SLC24A4: variants seen among roughly 807,000 people sequenced by gnomAD.
SLC24A4 encodes the protein solute carrier family 24 member 4.
In SLC24A4, 53 loss-of-function variants were observed where a neutral mutation model predicts 79.0. The observed-to-expected ratio is 0.67, with a 90% CI of 0.54 to 0.84. The LOEUF (loss-of-function observed/expected upper bound fraction) is 0.84. Among genes scored for constraint, SLC24A4 ranks in the 40% least tolerant of loss-of-function variants. The pLI is 0.00. For missense variants in SLC24A4, 731 were observed against 822.0 expected, an observed-to-expected ratio of 0.89 and a Z score of 1.35; for synonymous variants, 323 against 323.8, an observed-to-expected ratio of 1.00 and a Z score of 0.03.
intron 2 of SLC24A4, among the ~76,000 whole-genome samples, chr14:92,383,721 C>T (rs1267344272): frequency 6.6e-6 from 1 of 152,172 alleles, no homozygotes; most frequent in Non-Finnish European, 1.5e-5. Context: ...ATGGGCTTGA[C>T]CGTGAGCGTA....
chr14:92,484,522 A>C lies in SLC24A4; in HGVS notation c.1422+1676A>C, dbSNP rs1405212719. ...GCTTAGAGCTCTGTATCCCAAAAAGAAGCTCAGGATGGACTCTGTGATTGT... is the reference window on the plus strand; with the variant it reads ...GCTTAGAGCTCTGTATCCCAAAAAGCAGCTCAGGATGGACTCTGTGATTGT... On this transcript the variant is annotated intron_variant, in intron 13 of 16. Transcript: ENST00000532405. 6.1e-6 allele frequency: 6 copies of C among 985,292 alleles called. No individual in the cohort carries two copies. In the South Asian group the frequency reaches 1.4e-4, roughly 23 times the overall value. The allele number at this position is 985,292 out of a possible 1,614,324, so 61.0% of individuals were successfully genotyped here. A position where few individuals can be genotyped will look rare whatever the true frequency, so the allele number is the denominator to read the frequency against.
At chr14:92,371,691 C>T (rs1356618236) in intron 2 of SLC24A4, among the ~76,000 whole-genome samples, 3 of 152,252 alleles carry the variant, frequency 2.0e-5, no homozygotes, top group Non-Finnish European at 4.4e-5. Context: ...TCTACTCTAA[C>T]CTCACCCGTT....
At chr14:92,418,131 C>T (rs540109403) in intron 2 of SLC24A4, among the ~76,000 whole-genome samples, 2 of 152,200 alleles carry the variant, frequency 1.3e-5, no homozygotes, top group African/African-American at 4.8e-5. Flanking sequence ...GACTTCTTGC[C>T]TTGAGGCTAC....
chr14:92,474,263 G>A (rs546648987), intron 12 of SLC24A4, among the ~76,000 whole-genome samples: 59 of 152,248 alleles, frequency 3.9e-4, no homozygotes, highest in African/African-American at 1.2e-3. Flanking sequence ...GATTCTGAGC[G>A]GGCACTTGTA....
intron 2 of SLC24A4, among the ~76,000 whole-genome samples, chr14:92,378,327 A>C (rs1888636841): frequency 6.6e-6 from 1 of 152,182 alleles, no homozygotes; most frequent in African/African-American, 2.4e-5. Context: ...GGTTGCGGAC[A>C]CATGCCTGCC....
At position 92,474,793 on chromosome 14, in the gene SLC24A4, GTA is replaced by G. The variant is rs1321688183; in HGVS notation, c.1256-7878_1256-7877del. Among the ~76,000 whole-genome samples the G allele has an allele frequency of 9.9e-4, 71 of 71,566 alleles. 1 individual carries two copies. The highest frequency in any genetic ancestry group is 2.2e-3 in the South Asian group (5 of 2,274). The allele number at this position is 71,566 out of a possible 152,430, so 47.0% of individuals were successfully genotyped here. A position where few individuals can be genotyped will look rare whatever the true frequency, so the allele number is the denominator to read the frequency against. ...TATGTGTGTATATATATGTGTGTGT[GTA>G]TATATATACATATATACATATATAT... On this transcript the variant is annotated intron_variant, in intron 12 of 16. Transcript: ENST00000532405.
At chr14:92,343,678 T>C (rs189517979) in intron 2 of SLC24A4, among the ~76,000 whole-genome samples, 482 of 139,380 alleles carry the variant, frequency 3.5e-3, no homozygotes, top group East Asian at 0.011. Flanking sequence ...CCTTCCTTCC[T>C]TCCTTCCTTC....
chr14:92,484,890 C>T, intron 13 of SLC24A4: 3 of 985,392 alleles, frequency 3.0e-6, no homozygotes, highest in South Asian at 4.7e-5. Flanking sequence ...GAATAATACA[C>T]AGTTTGGCCA....
intron 13 of SLC24A4, 143 bp downstream of exon 13, chr14:92,482,989 A>G (rs1306626926): frequency 2.5e-6 from 2 of 788,130 alleles, no homozygotes; most frequent in Non-Finnish European, 3.8e-6. Context: ...CTCAGTAGAA[A>G]AGGGTTTGAA....
intron 13 of SLC24A4, among the ~76,000 whole-genome samples, 186 bp downstream of exon 13, chr14:92,483,032 A>T (rs1895150714): frequency 6.6e-6 from 1 of 152,242 alleles, no homozygotes; most frequent in Non-Finnish European, 1.5e-5. Flanking sequence ...GGTACCCGGA[A>T]TGCAGAGACA....
rs555432172 is a variant in SLC24A4, at chr14:92,497,384, C to T, written c.*3756C>T. 9 of 152,244 alleles carry T rather than the reference C, an allele frequency of 5.9e-5. No individual in the cohort carries two copies. Among genetic ancestry groups the T allele is most frequent in the African/African-American group, 1.9e-4 (8 of 41,428 alleles). 9.4% of individuals were successfully genotyped at this position (152,244 alleles called of 1,614,324 possible). On this transcript the variant is annotated 3_prime_UTR_variant, in exon 17 of 17. Coordinates refer to ENST00000532405, the MANE Select transcript of SLC24A4 (RefSeq NM_153646.4). ...GCAGGAGCCCATCTCTCAGAGAACC[C>T]GGACTCCCCAAGCAGACTGGGATTT...
chr14:92,480,203 T>C (rs2149051), intron 12 of SLC24A4, among the ~76,000 whole-genome samples: 134,971 of 148,526 alleles, frequency 0.91, 62,328 homozygotes, highest in Non-Finnish European at 0.99. Context: ...TTTCCTTCCT[T>C]CTGCTTTCTT....
intron 15 of SLC24A4, 35 bp downstream of exon 15, chr14:92,491,812 C>T (rs1384221925): frequency 1.3e-6 from 2 of 1,530,512 alleles, no homozygotes; most frequent in Non-Finnish European, 1.8e-6. Flanking sequence ...ATGTGTTTTA[C>T]CCAGAAGGCT....
At chr14:92,344,434 G>A (rs773101040) in intron 2 of SLC24A4, among the ~76,000 whole-genome samples, 1 of 152,162 alleles carries the variant, frequency 6.6e-6, no homozygotes, top group Admixed American at 6.5e-5. Context: ...TCTCAGTAGT[G>A]GATTAATGTG....
chr14:92,427,773 G>A (rs893938709), intron 2 of SLC24A4, among the ~76,000 whole-genome samples: 13 of 152,212 alleles, frequency 8.5e-5, no homozygotes, highest in African/African-American at 1.9e-4. Flanking sequence ...GCAGCGCTAC[G>A]GTCTGCATGT....
chr14:92,396,574 T>C (rs1889791471), intron 2 of SLC24A4, among the ~76,000 whole-genome samples: 1 of 152,190 alleles, frequency 6.6e-6, no homozygotes, highest in Admixed American at 6.5e-5. Context: ...AACCTACGAA[T>C]GTGACTTTCT....
chr14:92,414,862 C>T (rs530159669), intron 2 of SLC24A4, among the ~76,000 whole-genome samples: 2 of 152,388 alleles, frequency 1.3e-5, no homozygotes, highest in East Asian at 3.9e-4. Flanking sequence ...AGAGAGTTCA[C>T]AGGCCACACT....
intron 2 of SLC24A4, among the ~76,000 whole-genome samples, chr14:92,432,657 A>C (rs778597424): frequency 6.6e-6 from 1 of 152,208 alleles, no homozygotes; most frequent in Non-Finnish European, 1.5e-5. Context: ...AAAGAGAGAG[A>C]TGTGAGGGAA....
chr14:92,406,886 C>A (rs968130195), intron 2 of SLC24A4, among the ~76,000 whole-genome samples: 1 of 152,222 alleles, frequency 6.6e-6, no homozygotes, highest in African/African-American at 2.4e-5. Context: ...CAGATTTCCG[C>A]AGCTGGCTTA....
Sources: allele counts gnomAD v4.1 joint callset (sites outside exome capture counted in the v4.1 genomes callset), GRCh38; gene constraint gnomAD v4.1.1; transcripts MANE v1.5; gene names NCBI Gene and HGNC (gene_info 2026-07-23, HGNC 2026-07-21).